CLDN14: variants seen among roughly 807,000 people sequenced by gnomAD.
CLDN14 encodes the protein claudin 14.
CLDN14 carries 2 observed loss-of-function variants against 2.1 expected under a neutral mutation model. The observed-to-expected ratio is 0.96, with a 90% CI of 0.39 to 3.01. CLDN14 has a LOEUF of 3.01. Ranked by LOEUF, CLDN14 falls within the 30% of genes most tolerant of loss-of-function variation. The pLI, the probability that CLDN14 is intolerant of heterozygous loss-of-function variation, is 0.09. For missense variants in CLDN14, 298 were observed against 328.0 expected (o/e 0.91, Z 0.71); for synonymous variants, 136 against 154.4 (o/e 0.88, Z 0.88).
At chr21:36,562,434 A>G (rs2087642657) in intron 1 of CLDN14, among the ~76,000 whole-genome samples, 1 of 152,172 alleles carries the variant, frequency 6.6e-6, no homozygotes, top group South Asian at 2.1e-4. Flanking sequence ...TTCTTCAGCT[A>G]AGTACTAAGC....
chr21:36,494,839 G>A (rs1217028848), intron 2 of CLDN14, among the ~76,000 whole-genome samples: 1 of 152,214 alleles, frequency 6.6e-6, no homozygotes, highest in East Asian at 1.9e-4. Flanking sequence ...CCCTGTCTGT[G>A]GAGCTTTGTT....
At chr21:36,549,041 A>C (rs917170886) in intron 1 of CLDN14, among the ~76,000 whole-genome samples, 12 of 152,094 alleles carry the variant, frequency 7.9e-5, no homozygotes, top group African/African-American at 2.4e-4. Context: ...TTTTCTTAAT[A>C]CTCAAACCAT....
At chr21:36,550,490 C>G (rs2087555969) in intron 1 of CLDN14, among the ~76,000 whole-genome samples, 1 of 152,178 alleles carries the variant, frequency 6.6e-6, no homozygotes, top group African/African-American at 2.4e-5. Flanking sequence ...CTAAGAGCCA[C>G]CCTTTCAAGA....
chr21:36,487,296 G>C, intron 2 of CLDN14: 1 of 227,252 alleles, frequency 4.4e-6, no homozygotes, highest in Non-Finnish European at 8.8e-6. Flanking sequence ...TGTGGGTTTT[G>C]AATGACATAC....
chr21:36,489,355 A>G (rs548885498), intron 2 of CLDN14, among the ~76,000 whole-genome samples: 1 of 152,170 alleles, frequency 6.6e-6, no homozygotes, highest in East Asian at 1.9e-4. Context: ...TAATCAACAC[A>G]GTACCTCCCT....
intron 1 of CLDN14, among the ~76,000 whole-genome samples, chr21:36,548,558 C>T (rs1402257033): frequency 6.6e-6 from 1 of 152,204 alleles, no homozygotes; most frequent in Admixed American, 6.5e-5. Context: ...GTCTGGGCAG[C>T]CTGGAAGCTT....
At chr21:36,534,503 C>T (rs914811382) in intron 1 of CLDN14, among the ~76,000 whole-genome samples, 2 of 152,122 alleles carry the variant, frequency 1.3e-5, no homozygotes, top group African/African-American at 2.4e-5. Context: ...TCTGTGTGGC[C>T]GATGCCTGGC....
At chr21:36,514,788 A>G (rs1350713813) in intron 1 of CLDN14, among the ~76,000 whole-genome samples, 1 of 151,916 alleles carries the variant, frequency 6.6e-6, no homozygotes, top group Non-Finnish European at 1.5e-5. Flanking sequence ...GCACTGAGAT[A>G]TAGGTGTTTC....
intron 2 of CLDN14, among the ~76,000 whole-genome samples, chr21:36,497,189 GGGAA>G (rs1268972242): frequency 3.2e-4 from 1 of 3,094 alleles, no homozygotes; most frequent in African/African-American, 8.5e-4. Context: ...GAGGAAGGGA[GGGAA>G]GGAGGGAGGG....
intron 1 of CLDN14, among the ~76,000 whole-genome samples, chr21:36,518,918 C>T (rs147269237): frequency 0.014 from 2,083 of 152,274 alleles, 20 homozygotes; most frequent in Non-Finnish European, 0.023. Context: ...GCAACCTCCC[C>T]GCTAGTAAAA....
At chr21:36,462,668 G>A (rs951945663) in intron 1 of CLDN14, among the ~76,000 whole-genome samples, 4 of 152,064 alleles carry the variant, frequency 2.6e-5, no homozygotes, top group Non-Finnish European at 4.4e-5. Context: ...GGTGGTTCAC[G>A]CCTGTAATCC....
chr21:36,557,206 G>GT (rs1402602384), intron 1 of CLDN14, among the ~76,000 whole-genome samples: 4 of 152,016 alleles, frequency 2.6e-5, no homozygotes, highest in African/African-American at 9.7e-5. Flanking sequence ...GACATTTTAG[G>GT]TTGTTGGCAC....
intron 2 of CLDN14, among the ~76,000 whole-genome samples, chr21:36,505,329 A>G (rs914254642): frequency 1.3e-4 from 20 of 152,210 alleles, no homozygotes; most frequent in Middle Eastern, 6.3e-3. Flanking sequence ...TTTTTAAAAA[A>G]TAGCCCTTCA....
intron 1 of CLDN14, among the ~76,000 whole-genome samples, chr21:36,557,853 A>G (rs2087609858): frequency 6.6e-6 from 1 of 152,206 alleles, no homozygotes; most frequent in Admixed American, 6.5e-5. Flanking sequence ...TATCCAAAAA[A>G]TCATTGCCAA....
At chr21:36,480,497 A>G (rs1280570882), upstream of CLDN14, 1 of 152,164 alleles carries the variant, frequency 6.6e-6, no homozygotes, top group South Asian at 2.1e-4. Flanking sequence ...AGGGCTGGGA[A>G]CGCCTCCAGC....
intron 1 of CLDN14, among the ~76,000 whole-genome samples, chr21:36,539,573 C>T (rs1485611139): frequency 1.1e-5 from 1 of 90,424 alleles, no homozygotes; most frequent in African/African-American, 4.3e-5. Flanking sequence ...TGAGTGTGTG[C>T]AGTTTGTGTG....
intron 2 of CLDN14, among the ~76,000 whole-genome samples, chr21:36,494,509 C>T (rs1414319250): frequency 6.6e-6 from 1 of 152,224 alleles, no homozygotes; most frequent in Admixed American, 6.5e-5. Flanking sequence ...ACTGTGTCCC[C>T]TCCCAAATTT....
At chr21:36,503,007 A>G (rs1407138398) in intron 2 of CLDN14, among the ~76,000 whole-genome samples, 1 of 152,242 alleles carries the variant, frequency 6.6e-6, no homozygotes, top group Non-Finnish European at 1.5e-5. Flanking sequence ...CTGTACAGAC[A>G]GTTCTAACAT....
At chr21:36,464,134 A>G (rs2086615167) in intron 1 of CLDN14, among the ~76,000 whole-genome samples, 1 of 151,876 alleles carries the variant, frequency 6.6e-6, no homozygotes, top group Non-Finnish European at 1.5e-5. Flanking sequence ...TTCTCACGAG[A>G]TCTGGTTGTT....
Sources: gnomAD v4.1 joint callset for allele counts (sites outside exome capture counted in the v4.1 genomes callset) on GRCh38, gnomAD v4.1.1 for gene constraint, MANE v1.5 for transcripts, NCBI Gene and HGNC (gene_info 2026-07-23, HGNC 2026-07-21) for gene names.